The following POP1 variants were observed in gnomAD, a reference collection of about 807,000 sequenced individuals.
POP1 encodes the protein ribonucleases P/MRP protein subunit POP1.
In POP1, 75 loss-of-function variants were observed where a neutral mutation model predicts 102.2. That is an observed-to-expected ratio of 0.73 (90% CI 0.61 to 0.89). The LOEUF is 0.89. Among genes scored for constraint, POP1 ranks in the 40% least tolerant of loss-of-function variants. POP1 has a pLI of 0.00. For missense variants in POP1, 1,116 were observed against 1,267.4 expected (o/e 0.88, Z 1.81); for synonymous variants, 436 against 464.1 (o/e 0.94, Z 0.78).
rs932127478 is a variant in POP1 at position 98,158,676 on chromosome 8, GAAGAC to G, written c.*410_*414del. 2.1e-5 allele frequency: 4 copies of G among 186,456 alleles called. No homozygotes were observed. The highest frequency in any genetic ancestry group is 9.6e-5 in the African/African-American group (4 of 41,776). The allele number at this position is 186,456 out of a possible 1,614,324, so 11.6% of individuals were successfully genotyped here. ...GTTTAATGATTTCACTGTTATAGCA[GAAGAC>G]AAGAGAAGACGCTTGGCCTCTGTAC... On this transcript the variant is annotated 3_prime_UTR_variant, in exon 16 of 16. Transcript: ENST00000401707.
chr8:98,152,129 C>T (rs1223423989), intron 14 of POP1, among the ~76,000 whole-genome samples: 5 of 152,142 alleles, frequency 3.3e-5, no homozygotes, highest in Admixed American at 3.3e-4. Flanking sequence ...TTGAGGGCAG[C>T]AATCACATGT....
intron 4 of POP1, 21 bp from the exon 5 acceptor site, chr8:98,129,957 T>C (rs1816329608): frequency 1.2e-6 from 2 of 1,613,154 alleles, no homozygotes; most frequent in East Asian, 2.2e-5. Context: ...CTGGGATATG[T>C]CCCTCTACTT....
At chr8:98,155,947 G>A in intron 14 of POP1, 103 bp from the exon 15 acceptor site, 1 of 894,478 alleles carries the variant, frequency 1.1e-6, no homozygotes, top group Non-Finnish European at 1.8e-6. Context: ...GTGTGTGTGT[G>A]TGTGTGTGTT....
chr8:98,139,000 C>T (rs975061426), intron 9 of POP1, among the ~76,000 whole-genome samples: 1 of 151,956 alleles, frequency 6.6e-6, no homozygotes. Flanking sequence ...TTACAGGTGC[C>T]AGCCAACACA....
At chr8:98,142,077 G>A (rs1171352580) in intron 11 of POP1, among the ~76,000 whole-genome samples, 2 of 152,000 alleles carry the variant, frequency 1.3e-5, no homozygotes, top group Middle Eastern at 3.2e-3. Context: ...CTGGTGCAAC[G>A]TAAAAGTTGC....
intron 9 of POP1, among the ~76,000 whole-genome samples, chr8:98,138,135 C>T (rs1417495981): frequency 6.6e-6 from 1 of 152,224 alleles, no homozygotes; most frequent in African/African-American, 2.4e-5. Flanking sequence ...CTCCATCCTT[C>T]CTCCTTTTCA....
rs1348724037 is a variant in POP1, at chr8:98,149,024, T to G, written c.1902+18T>G. 6.3e-7 allele frequency: 1 copy of G among 1,598,722 alleles called. No homozygotes were observed. Among genetic ancestry groups the G allele is most frequent in the South Asian group, 1.1e-5 (1 of 89,728 alleles). ...TTCCATTTGTAAGTTACTTTTTGAT[T>G]CTAACAGTTGCAATATTTAAAATAC... is the stretch of plus-strand genomic sequence containing the variant. On this transcript the variant is annotated intron_variant, in intron 13 of 15. Transcript: ENST00000401707.
chr8:98,145,379 C>T (rs17765595), intron 11 of POP1, among the ~76,000 whole-genome samples: 3,306 of 152,216 alleles, frequency 0.022, 69 homozygotes, highest in Middle Eastern at 0.068. Flanking sequence ...AGAACCATAA[C>T]GCAAACTCAC....
chr8:98,154,859 G>T (rs960064332), intron 14 of POP1, among the ~76,000 whole-genome samples: 2 of 151,892 alleles, frequency 1.3e-5, no homozygotes, highest in African/African-American at 4.8e-5. Context: ...TTTCAGTACT[G>T]GTATAAAGTA....
At chr8:98,148,657 C>T (rs1343104433) in intron 12 of POP1, among the ~76,000 whole-genome samples, 158 bp from the exon 13 acceptor site, 5 of 152,136 alleles carry the variant, frequency 3.3e-5, no homozygotes, top group Non-Finnish European at 5.9e-5. Flanking sequence ...AGGAGGAATA[C>T]CTTATACTTA....
At chr8:98,150,819 T>C (rs1809496290) in intron 14 of POP1, among the ~76,000 whole-genome samples, 180 bp downstream of exon 14, 1 of 152,248 alleles carries the variant, frequency 6.6e-6, no homozygotes, top group Admixed American at 6.5e-5. Context: ...TTATATCTAT[T>C]TGGCTTTTGT....
intron 14 of POP1, among the ~76,000 whole-genome samples, chr8:98,152,599 C>T (rs1052790243): frequency 5.3e-5 from 8 of 152,086 alleles, no homozygotes; most frequent in African/African-American, 1.9e-4. Context: ...AAATATTATT[C>T]TTTTGCTTTT....
rs1240373022 is a variant in POP1 at position 98,158,136 on chromosome 8, A to C, written c.2940A>C (p.Glu980Asp). Residue 980 changes from glutamate to aspartate, a missense_variant, in exon 16 of 16, where the codon GAA becomes GAC. Transcript: ENST00000401707. ...GDFSMAVGCG[E>D]ALGFVSLTGL... ...TTTCCATGGCTGTTGGCTGTGGAGA[A>C]GCCCTGGGGTTTGTTAGCTTGACAG... 3.1e-6 allele frequency: 5 copies of C among 1,607,172 alleles called. No homozygotes were observed. In the African/African-American group the frequency reaches 5.4e-5, roughly 17 times the overall value.
Position 98,158,317 on chromosome 8 carries a change from G to T in POP1, c.*46G>T. Reference sequence around the variant, plus strand: ...AGGGCATAGATAATACGTTATTATTGTCTGCCAAGTTCTACATGTGGAGAA... The same window carrying T: ...AGGGCATAGATAATACGTTATTATTTTCTGCCAAGTTCTACATGTGGAGAA... On this transcript the variant is annotated 3_prime_UTR_variant, in exon 16 of 16. Coordinates refer to ENST00000401707, the MANE Select transcript of POP1 (RefSeq NM_001145860.2). 6.3e-7 allele frequency: 1 copy of T among 1,586,372 alleles called. No individual in the cohort carries two copies.
chr8:98,128,271 T>G (rs1050578848), intron 3 of POP1, 94 bp from the exon 4 acceptor site: 1 of 1,209,860 alleles, frequency 8.3e-7, no homozygotes, highest in Non-Finnish European at 1.2e-6. Context: ...GCCTTCTTGG[T>G]GGAGGAATTC....
In POP1 at chr8:98,155,192, G is replaced by A. The variant is rs527902043; in HGVS notation, c.2058-858G>A. Among the ~76,000 whole-genome samples, 7 of 152,300 alleles carry A rather than the reference G, an allele frequency of 4.6e-5. No homozygotes were observed. In the South Asian group the frequency reaches 8.3e-4, roughly 18 times the overall value. Reference sequence around the variant, plus strand: ...GTAGCTTTCAGGAATGGATCCCCTGGTGTGGTTCAGTGGCCACATGGGGCT... The same window carrying A: ...GTAGCTTTCAGGAATGGATCCCCTGATGTGGTTCAGTGGCCACATGGGGCT... On this transcript the variant is annotated intron_variant, in intron 14 of 15. Transcript: ENST00000401707.
chr8:98,117,364 C>A lies in POP1; in HGVS notation c.-29C>A. ...TGTCGCGGAGGCTTGTCATTCTGAC[C>A]CGGGGATTCCTCACAGCGTCTGGCA... On this transcript the variant is annotated 5_prime_UTR_variant, in exon 1 of 16. Transcript: ENST00000401707. The A allele has an allele frequency of 4.1e-6, 2 of 491,752 alleles. No individual in the cohort carries two copies. Among genetic ancestry groups the A allele is most frequent in the Non-Finnish European group, 7.4e-6 (2 of 271,042 alleles). The allele number at this position is 491,752 out of a possible 1,614,324, so 30.5% of individuals were successfully genotyped here.
Position 98,127,616 on chromosome 8 carries a change from G to A in POP1, c.164G>A (p.Arg55Gln), listed in dbSNP as rs767448528. The A allele has an allele frequency of 7.1e-5, 114 of 1,613,954 alleles. No homozygotes were observed. Among genetic ancestry groups the A allele is most frequent in the Non-Finnish European group, 8.2e-5 (97 of 1,180,028 alleles). The change falls in exon 3 of 16, where the codon CGA becomes CAA. Residue 55 changes from arginine (R) to glutamine (Q), a missense_variant. Physicochemically the swap from Arg to Gln is conservative, Grantham distance 43 (BLOSUM62 1). Transcript: ENST00000401707. ...QKQEPHPGTS[R>Q]QRQTRVNPHS... ...CTAGAGCCTCATCCTGGAACTTCAC[G>A]ACAGCGGCAAACCAGAGTCAACCCC... is the stretch of plus-strand genomic sequence containing the variant.
intron 11 of POP1, among the ~76,000 whole-genome samples, chr8:98,145,946 GAATA>G (rs1816832948): frequency 6.6e-6 from 1 of 151,846 alleles, no homozygotes; most frequent in Admixed American, 6.6e-5. Flanking sequence ...TTACAGAAAC[GAATA>G]AATAGTTCAA....
Sources: allele counts gnomAD v4.1 joint callset (sites outside exome capture counted in the v4.1 genomes callset), GRCh38; gene constraint gnomAD v4.1.1; transcripts MANE v1.5; gene names NCBI Gene and HGNC (gene_info 2026-07-23, HGNC 2026-07-21).